Variants in LAMB4 observed in about 807,000 individuals in gnomAD.
LAMB4 encodes the protein laminin subunit beta-4.
A neutral mutation model predicts 199.2 loss-of-function variants in LAMB4; 196 were observed. The ratio of observed to expected loss-of-function variants is 0.98; its 90% CI spans 0.88 to 1.11. LAMB4 has a LOEUF of 1.11. Among genes scored for constraint, LAMB4 ranks in the 50% least tolerant of loss-of-function variants. LAMB4 has a pLI of 0.00. For synonymous variants in LAMB4, 744 were observed against 770.6 expected (o/e 0.97, Z 0.57); for missense variants, 2,080 against 2,171.2 (o/e 0.96, Z 0.83).
intron 17 of LAMB4, among the ~76,000 whole-genome samples, chr7:108,072,591 G>A (rs1455230746): frequency 1.3e-5 from 2 of 152,132 alleles, no homozygotes; most frequent in Non-Finnish European, 2.9e-5. Flanking sequence ...GTCATGCTGA[G>A]CTTTTTGGGT....
At chr7:108,091,411 T>C (rs377722915) in intron 14 of LAMB4, among the ~76,000 whole-genome samples, 4 of 152,206 alleles carry the variant, frequency 2.6e-5, no homozygotes, top group African/African-American at 9.6e-5. Flanking sequence ...CCAGATCCTG[T>C]GGTAGACCTG....
downstream of LAMB4, among the ~76,000 whole-genome samples, chr7:108,021,278 A>C (rs1369636812): frequency 1.3e-5 from 2 of 152,206 alleles, no homozygotes; most frequent in East Asian, 1.9e-4. Flanking sequence ...CCTCAGCTGG[A>C]GGCCAAGGTT....
intron 18 of LAMB4, among the ~76,000 whole-genome samples, chr7:108,069,408 A>T (rs1284678896): frequency 6.6e-6 from 1 of 152,238 alleles, no homozygotes; most frequent in African/African-American, 2.4e-5. Context: ...TATTAAATGA[A>T]TATTTTGGGA....
intron 12 of LAMB4, among the ~76,000 whole-genome samples, chr7:108,093,192 G>C (rs930559525): frequency 3.9e-5 from 6 of 152,106 alleles, no homozygotes; most frequent in African/African-American, 1.4e-4. Flanking sequence ...TCAGCCTCCC[G>C]AGTAGCTGGG....
the LAMB4 span, among the ~76,000 whole-genome samples, chr7:108,012,579 C>T: frequency 3.9e-5 from 6 of 152,266 alleles, no homozygotes; most frequent in African/African-American, 7.2e-5. Flanking sequence ...TAAAACTCAC[C>T]GTTTATTCAG....
intron 26 of LAMB4, among the ~76,000 whole-genome samples, chr7:108,049,855 A>G (rs146786194): frequency 6.6e-6 from 1 of 152,206 alleles, no homozygotes; most frequent in East Asian, 1.9e-4. Context: ...TAAATTGGTG[A>G]TAATAATTTG....
At chr7:108,033,176 A>G (rs980838781) in intron 31 of LAMB4, among the ~76,000 whole-genome samples, 1 of 152,172 alleles carries the variant, frequency 6.6e-6, no homozygotes, top group African/African-American at 2.4e-5. Flanking sequence ...GCTAGTAAAT[A>G]CTTTATACTT....
At chr7:108,102,938 T>G in intron 10 of LAMB4, 106 bp downstream of exon 10, 4 of 882,076 alleles carry the variant, frequency 4.5e-6, no homozygotes, top group Non-Finnish European at 6.6e-6. Flanking sequence ...CAAAATAGGG[T>G]AGTTTGGAGA....
intron 23 of LAMB4, among the ~76,000 whole-genome samples, chr7:108,060,167 A>G (rs1427846286): frequency 2.6e-5 from 4 of 152,222 alleles, no homozygotes; most frequent in Non-Finnish European, 5.9e-5. Flanking sequence ...GGGATCCCCT[A>G]TGCACCAAAT....
intron 27 of LAMB4, among the ~76,000 whole-genome samples, chr7:108,048,476 A>G (rs2035720267): frequency 6.6e-6 from 1 of 152,128 alleles, no homozygotes; most frequent in Admixed American, 6.5e-5. Flanking sequence ...CTCTAATGCC[A>G]TCCAGGCTCC....
chr7:108,054,927 G>T (rs149074390), intron 25 of LAMB4, among the ~76,000 whole-genome samples: 19 of 152,232 alleles, frequency 1.2e-4, no homozygotes, highest in Middle Eastern at 3.4e-3. Flanking sequence ...ACCATACTTG[G>T]TATAAGACTT....
chr7:108,050,357 C>A (rs921387579), intron 26 of LAMB4, among the ~76,000 whole-genome samples: 5 of 152,136 alleles, frequency 3.3e-5, no homozygotes, highest in African/African-American at 1.2e-4. Flanking sequence ...AATAAGGAAA[C>A]TGAGGCTCTA....
At position 108,065,795 on chromosome 7, in the gene LAMB4, C is replaced by A; in HGVS notation, c.2803G>T (p.Asp935Tyr). 6.2e-7 allele frequency: 1 copy of A among 1,614,154 alleles called. No individual in the cohort carries two copies. The highest frequency in any genetic ancestry group is 8.5e-7 in the Non-Finnish European group (1 of 1,180,000). Residue 935 changes from aspartate to tyrosine, a missense_variant, in exon 21 of 34, where the codon GAT (aspartate) becomes TAT (tyrosine). Transcript: ENST00000388781. ...HSCYQNLWSS[D>Y]VICNCLQGYT... ...CCTTGAAGACAATTGCAGATTACAT[C>A]TGAGCTCCACAGATTCTGATAACAG...
In LAMB4 at chr7:108,123,126, C is replaced by T. The variant is rs1341346425; in HGVS notation, c.34+5G>A. ...AGTAAATAGATTTTGACAACAAATA[C>T]TCACCAAGGTGCAAAAAAAGGGTCA... On this transcript the variant is annotated splice_donor_5th_base_variant and intron_variant, in intron 2 of 33. Coordinates refer to ENST00000388781, the MANE Select transcript of LAMB4 (RefSeq NM_007356.3). The T allele has an allele frequency of 4.5e-5, 73 of 1,606,700 alleles. No individual in the cohort carries two copies. The highest frequency in any genetic ancestry group is 5.9e-5 in the Non-Finnish European group (70 of 1,177,760).
In LAMB4 at chr7:108,023,815, T is replaced by C. The variant is rs903801426; in HGVS notation, c.*224A>G. 5 of 332,556 alleles carry C rather than the reference T, an allele frequency of 1.5e-5. No individual in the cohort carries two copies. Among genetic ancestry groups the C allele is most frequent in the Non-Finnish European group, 2.7e-5 (5 of 184,996 alleles). 20.6% of individuals were successfully genotyped at this position (332,556 alleles called of 1,614,324 possible). Reference sequence around the variant, plus strand: ...AAAGGAAGGTAAGAGGAAAAGTTTCTGAAACCAGAGACAATTTCATTACTT... The same window carrying C: ...AAAGGAAGGTAAGAGGAAAAGTTTCCGAAACCAGAGACAATTTCATTACTT... On this transcript the variant is annotated 3_prime_UTR_variant, in exon 34 of 34. Transcript: ENST00000388781.
intron 14 of LAMB4, among the ~76,000 whole-genome samples, chr7:108,090,959 A>G (rs962533251): frequency 2.0e-5 from 3 of 152,144 alleles, no homozygotes; most frequent in Admixed American, 1.3e-4. Context: ...GTCCTTACAG[A>G]TAAGGAAGAG....
At chr7:108,053,051 T>TC (rs2035874929) in intron 25 of LAMB4, among the ~76,000 whole-genome samples, 1 of 152,154 alleles carries the variant, frequency 6.6e-6, no homozygotes, top group African/African-American at 2.4e-5. Context: ...TCCTTCAGGC[T>TC]CCAATTGTCA....
At position 108,130,318 on chromosome 7, in the gene LAMB4, G is replaced by T. The variant is rs1322324131; in HGVS notation, c.-46C>A. On this transcript the variant is annotated 5_prime_UTR_variant, in exon 1 of 34. Coordinates refer to ENST00000388781, the MANE Select transcript of LAMB4 (RefSeq NM_007356.3). The stretch of plus-strand genomic sequence containing the variant: ...AGGCAAGACTTACCAGGATCTGGGA[G>T]TCTTTGTGGAGAGGTTCAGGCAGCA... 1 of 152,168 alleles carries T rather than the reference G, an allele frequency of 6.6e-6. No homozygotes were observed. Among genetic ancestry groups the T allele is most frequent in the Non-Finnish European group, 1.5e-5 (1 of 68,044 alleles). 9.4% of individuals were successfully genotyped at this position (152,168 alleles called of 1,614,324 possible).
At position 108,034,207 on chromosome 7, in the gene LAMB4, C is replaced by A. The variant is rs377182839; in HGVS notation, c.4818+1G>T. 21 of 1,613,870 alleles carry A rather than the reference C, an allele frequency of 1.3e-5. No individual in the cohort carries two copies. Among genetic ancestry groups the A allele is most frequent in the South Asian group, 1.1e-4 (10 of 91,056 alleles). ...AGGTTAGTTTCAAAGAAGACAAATA[C>A]CTGCAGCACATTCTTTTTTATTTTT... On this transcript the variant is annotated splice_donor_variant, in intron 31 of 33. Transcript: ENST00000388781. LOFTEE classifies it high-confidence loss of function.
Sources: allele counts gnomAD v4.1 joint callset (sites outside exome capture counted in the v4.1 genomes callset), GRCh38; gene constraint gnomAD v4.1.1; transcripts MANE v1.5; gene names NCBI Gene and HGNC (gene_info 2026-07-23, HGNC 2026-07-21).